EIF5: variants seen among roughly 807,000 people sequenced by gnomAD.
EIF5 encodes eukaryotic translation initiation factor 5.
A neutral mutation model predicts 48.3 loss-of-function variants in EIF5; 10 were observed. The ratio of observed to expected loss-of-function variants is 0.21; its 90% CI spans 0.13 to 0.35. The LOEUF is 0.35. EIF5 is among the 10% of genes least tolerant of loss of function. The probability of loss-of-function intolerance (pLI) is 1.00; values close to 1 mark genes in which losing one functional copy is unlikely to be tolerated. For synonymous variants in EIF5, 237 were observed against 173.1 expected (o/e 1.37, Z -2.90); for missense variants, 397 against 533.2 (o/e 0.74, Z 2.51).
rs1257687306 is a variant in EIF5 at position 103,338,160 on chromosome 14, AC to A, written c.440-166del. 6 of 919,634 alleles carry A rather than the reference AC, an allele frequency of 6.5e-6. No homozygotes were observed. The African/African-American group carries it at 6.6e-5, about 10-fold the overall frequency. 57.0% of individuals were successfully genotyped at this position (919,634 alleles called of 1,614,324 possible). A position where few individuals can be genotyped will look rare whatever the true frequency, so the allele number is the denominator to read the frequency against. ...AGACTAACATTCTTACGTATGAAAT[AC>A]ATGATGAATTTGATCTGTGAAGCCT... On this transcript the variant is annotated intron_variant, in intron 6 of 11. Coordinates refer to ENST00000216554, the MANE Select transcript of EIF5 (RefSeq NM_001969.5).
intron 11 of EIF5, among the ~76,000 whole-genome samples, 174 bp downstream of exon 11, chr14:103,340,735 A>G (rs1049193302): frequency 2.6e-5 from 4 of 152,182 alleles, no homozygotes; most frequent in African/African-American, 9.7e-5. Flanking sequence ...AGGGTGATGG[A>G]AACTGTGTTC....
chr14:103,343,534 T>C lies in EIF5; in HGVS notation c.*2482T>C, dbSNP rs960185745. The stretch of plus-strand genomic sequence containing the variant: ...GTGCATTCTGAAATTGACTTAAAAA[T>C]TTTTAGTGTGGGTCCTAAAGTTTAG... On this transcript the variant is annotated 3_prime_UTR_variant, in exon 12 of 12. Transcript: ENST00000216554. The C allele has an allele frequency of 1.3e-5, 2 of 152,204 alleles. No individual in the cohort carries two copies. Among genetic ancestry groups the C allele is most frequent in the Non-Finnish European group, 2.9e-5 (2 of 68,038 alleles). The allele number at this position is 152,204 out of a possible 1,614,324, so 9.4% of individuals were successfully genotyped here. A position where few individuals can be genotyped will look rare whatever the true frequency, so the allele number is the denominator to read the frequency against.
At position 103,341,996 on chromosome 14, in the gene EIF5, A is replaced by C. The variant is rs1238820874; in HGVS notation, c.*944A>C. On this transcript the variant is annotated 3_prime_UTR_variant, in exon 12 of 12. Transcript: ENST00000216554. Reference sequence around the variant, plus strand: ...TTAGACATACTGTATTTTTTCGTTCAGTGTGGCTTTAATTTTCCCCTCTTG... The same window carrying C: ...TTAGACATACTGTATTTTTTCGTTCCGTGTGGCTTTAATTTTCCCCTCTTG... 3 of 152,618 alleles carry C rather than the reference A, an allele frequency of 2.0e-5. No homozygotes were observed. Among genetic ancestry groups the C allele is most frequent in the African/African-American group, 7.2e-5 (3 of 41,456 alleles). 9.5% of individuals were successfully genotyped at this position (152,618 alleles called of 1,614,324 possible). A position where few individuals can be genotyped will look rare whatever the true frequency, so the allele number is the denominator to read the frequency against.
intron 4 of EIF5, 57 bp downstream of exon 4, chr14:103,336,174 T>C: frequency 1.3e-6 from 2 of 1,524,036 alleles, no homozygotes; most frequent in Non-Finnish European, 1.8e-6. Context: ...CTTCAAAGTC[T>C]TTGAGCTGCA....
Position 103,344,603 on chromosome 14 carries a change from C to G in EIF5, c.*3551C>G, listed in dbSNP as rs1595368027. The G allele has an allele frequency of 6.6e-6, 1 of 152,156 alleles. No homozygotes were observed. 9.4% of individuals were successfully genotyped at this position (152,156 alleles called of 1,614,324 possible). On this transcript the variant is annotated 3_prime_UTR_variant, in exon 12 of 12. Coordinates refer to ENST00000216554, the MANE Select transcript of EIF5 (RefSeq NM_001969.5). ...GTGCAGCACTCAATCCCACTGGAAG[C>G]CTAATGCTGCAGTCAGAAGCAATGC...
chr14:103,335,598 G>A lies in EIF5; in HGVS notation c.-208-55G>A, dbSNP rs2089275779. On this transcript the variant is annotated intron_variant, in intron 2 of 11. Transcript: ENST00000216554. ...TGTAAAAAGGAGGCGTTTCCATCCA[G>A]CGATGATGTTAAACCTGGGGGGATT... 5.7e-6 allele frequency: 3 copies of A among 528,040 alleles called. No homozygotes were observed. In the African/African-American group the frequency reaches 5.7e-5, roughly 10 times the overall value. The allele number at this position is 528,040 out of a possible 1,614,324, so 32.7% of individuals were successfully genotyped here. A position where few individuals can be genotyped will look rare whatever the true frequency, so the allele number is the denominator to read the frequency against.
chr14:103,344,879 ACT>A lies in EIF5; in HGVS notation c.*3828_*3829del, dbSNP rs1255873476. On this transcript the variant is annotated 3_prime_UTR_variant, in exon 12 of 12. Transcript: ENST00000216554. Reference sequence around the variant, plus strand: ...CTTGGATTTTTAGGTCTAGCAATACACTGTTTACAAGAGCATCACCTAAAATG... The same window carrying A: ...CTTGGATTTTTAGGTCTAGCAATACAGTTTACAAGAGCATCACCTAAAATG... 6.6e-6 allele frequency: 1 copy of A among 152,022 alleles called. No homozygotes were observed. Among genetic ancestry groups the A allele is most frequent in the Non-Finnish European group, 1.5e-5 (1 of 67,988 alleles). The allele number at this position is 152,022 out of a possible 1,614,324, so 9.4% of individuals were successfully genotyped here.
rs2089342344 is a variant in EIF5, at chr14:103,340,627, T to G, written c.1206+66T>G. On this transcript the variant is annotated intron_variant, in intron 11 of 11. Transcript: ENST00000216554. ...ATGGGTGTTTGAGATTTAAAAAGGT[T>G]TGTGAGGAGTGATATAATGGCAGTT... 3.9e-6 allele frequency: 6 copies of G among 1,557,530 alleles called. 1 individual carries two copies. The Middle Eastern group carries it at 6.8e-4, about 177-fold the overall frequency.
At chr14:103,337,520 T>C in intron 6 of EIF5, 2 of 395,756 alleles carry the variant, frequency 5.1e-6, no homozygotes, top group East Asian at 5.4e-5. Context: ...GAGCGTCGCT[T>C]GAACCTTGGA....
chr14:103,337,901 C>G (rs1475063361), intron 6 of EIF5: 3 of 522,462 alleles, frequency 5.7e-6, no homozygotes, highest in African/African-American at 3.8e-5. Flanking sequence ...TTTGAGCTTG[C>G]TATAGCAAGA....
At position 103,338,815 on chromosome 14, in the gene EIF5, T is replaced by C; in HGVS notation, c.666T>C (p.His222=). ...QRRRMDEISD[H]AKVLTLSDDL... ...GTCGAATGGATGAAATCAGTGACCA[T>C]GCAAAAGTTCTGACACTCAGTGATG... The change falls in exon 8 of 12, where the codon CAT becomes CAC. Residue 222 remains histidine, a synonymous_variant. Coordinates refer to ENST00000216554, the MANE Select transcript of EIF5 (RefSeq NM_001969.5). The C allele has an allele frequency of 6.2e-7, 1 of 1,614,190 alleles. No individual in the cohort carries two copies. Among genetic ancestry groups the C allele is most frequent in the Non-Finnish European group, 8.5e-7 (1 of 1,180,040 alleles).
At position 103,345,020 on chromosome 14, in the gene EIF5, A is replaced by G. The variant is rs938005475; in HGVS notation, c.*3968A>G. The G allele has an allele frequency of 6.6e-6, 1 of 152,214 alleles. No homozygotes were observed. The highest frequency in any genetic ancestry group is 1.5e-5 in the Non-Finnish European group (1 of 68,026). The allele number at this position is 152,214 out of a possible 1,614,324, so 9.4% of individuals were successfully genotyped here. On this transcript the variant is annotated 3_prime_UTR_variant, in exon 12 of 12. Coordinates refer to ENST00000216554, the MANE Select transcript of EIF5 (RefSeq NM_001969.5). ...TTTTAATAAAGTGTGAAAGTTGTCA[A>G]TCAAAGCGGAGTCACTTGTGTTCAA...
intron 6 of EIF5, chr14:103,337,707 C>T (rs1240513737): frequency 5.2e-6 from 2 of 388,152 alleles, no homozygotes; most frequent in Non-Finnish European, 1.0e-5. Flanking sequence ...AATAGGCTGC[C>T]AATTAAACTG....
rs2089393369 is a variant in EIF5 at position 103,344,711 on chromosome 14, T to TA, written c.*3664dup. 6.6e-6 allele frequency: 1 copy of TA among 152,000 alleles called. No homozygotes were observed. Among genetic ancestry groups the TA allele is most frequent in the African/African-American group, 2.4e-5 (1 of 41,384 alleles). The allele number at this position is 152,000 out of a possible 1,614,324, so 9.4% of individuals were successfully genotyped here. On this transcript the variant is annotated 3_prime_UTR_variant, in exon 12 of 12. Coordinates refer to ENST00000216554, the MANE Select transcript of EIF5 (RefSeq NM_001969.5). Reference sequence around the variant, plus strand: ...TAAAAACGGTCAGTTAACTAAAAAATAAAAATCAAGTCTTTAGGAGAGTAG... The same window carrying TA: ...TAAAAACGGTCAGTTAACTAAAAAATAAAAAATCAAGTCTTTAGGAGAGTAG...
chr14:103,336,869 T>C lies in EIF5; in HGVS notation c.327+20T>C, dbSNP rs377038562. ...GATTTGGTAAGTGCTTTTGTGGTTGTCGAAAGAAAAAGCCATATACCTGCT... is the reference window on the plus strand; with the variant it reads ...GATTTGGTAAGTGCTTTTGTGGTTGCCGAAAGAAAAAGCCATATACCTGCT... On this transcript the variant is annotated intron_variant, in intron 5 of 11. Coordinates refer to ENST00000216554, the MANE Select transcript of EIF5 (RefSeq NM_001969.5). 1.5e-5 allele frequency: 24 copies of C among 1,601,414 alleles called. No homozygotes were observed. Among genetic ancestry groups the C allele is most frequent in the Non-Finnish European group, 2.0e-5 (23 of 1,174,896 alleles).
chr14:103,339,844 T>C (rs985560725), intron 10 of EIF5, 41 bp downstream of exon 10: 1 of 1,583,836 alleles, frequency 6.3e-7, no homozygotes, highest in African/African-American at 1.4e-5. Flanking sequence ...TCACAGGTTT[T>C]GGGGGGTTTT....
Position 103,340,577 on chromosome 14 carries a change from G to A in EIF5, c.1206+16G>A. Reference sequence around the variant, plus strand: ...GAACATTGAGGTAAACATTGGGGGAGGAGGGTATTGGATACAGTGCTGGCA... The same window carrying A: ...GAACATTGAGGTAAACATTGGGGGAAGAGGGTATTGGATACAGTGCTGGCA... On this transcript the variant is annotated intron_variant, in intron 11 of 11. Transcript: ENST00000216554. 4.4e-6 allele frequency: 7 copies of A among 1,605,110 alleles called. No individual in the cohort carries two copies. The highest frequency in any genetic ancestry group is 6.0e-6 in the Non-Finnish European group (7 of 1,172,320).
chr14:103,341,107 T>C lies in EIF5; in HGVS notation c.*55T>C. On this transcript the variant is annotated 3_prime_UTR_variant, in exon 12 of 12. Coordinates refer to ENST00000216554, the MANE Select transcript of EIF5 (RefSeq NM_001969.5). Reference sequence around the variant, plus strand: ...TAATGCTGCAAATTTTCCTCCATTATCAGCCAGAAGTGCAACATGTATGTG... The same window carrying C: ...TAATGCTGCAAATTTTCCTCCATTACCAGCCAGAAGTGCAACATGTATGTG... The C allele has an allele frequency of 6.4e-7, 1 of 1,554,226 alleles. No individual in the cohort carries two copies. Among genetic ancestry groups the C allele is most frequent in the Non-Finnish European group, 8.9e-7 (1 of 1,126,800 alleles).
intron 9 of EIF5, 24 bp downstream of exon 9, chr14:103,339,357 TAAATG>T (rs1329765626): frequency 6.3e-7 from 1 of 1,575,894 alleles, no homozygotes; most frequent in South Asian, 1.2e-5. Context: ...TCTGGATTCA[TAAATG>T]AGATTACAGT....
Sources: gnomAD v4.1 joint callset for allele counts (sites outside exome capture counted in the v4.1 genomes callset) on GRCh38, gnomAD v4.1.1 for gene constraint, MANE v1.5 for transcripts, NCBI Gene and HGNC (gene_info 2026-07-23, HGNC 2026-07-21) for gene names.